The following ARL15 variants were observed in gnomAD, a reference collection of about 807,000 sequenced individuals.
ARL15 encodes ADP-ribosylation factor-like protein 15.
In ARL15, 19 loss-of-function variants were observed where a neutral mutation model predicts 25.2. That is an observed-to-expected ratio of 0.75 (90% CI 0.53 to 1.10). The LOEUF (loss-of-function observed/expected upper bound fraction) is 1.10. Ranked by LOEUF, ARL15 falls within the 50% of genes least tolerant of loss-of-function variation. The pLI, the probability that ARL15 is intolerant of heterozygous loss-of-function variation, is 0.00. For synonymous variants in ARL15, 94 were observed against 86.8 expected (o/e 1.08, Z -0.46); for missense variants, 220 against 246.0 (o/e 0.89, Z 0.71).
intron 2 of ARL15, among the ~76,000 whole-genome samples, chr5:54,167,257 G>A (rs1754601096): frequency 6.6e-6 from 1 of 152,124 alleles, no homozygotes; most frequent in Admixed American, 6.6e-5. Flanking sequence ...AATCTTTAGT[G>A]TTCTCTCTCT....
chr5:53,993,846 T>C (rs929108390), intron 4 of ARL15, among the ~76,000 whole-genome samples: 1 of 152,196 alleles, frequency 6.6e-6, no homozygotes, highest in Non-Finnish European at 1.5e-5. Context: ...CTCAGAAGAA[T>C]AGAATTAAAG....
rs192096322 is a variant in ARL15 at position 54,057,739 on chromosome 5, C to T, written c.462+55463G>A. ...ATGCACCTGGAGCTACCTCCAGCTACTCTGGAGGCTGAGATGGGAGGATGG... is the reference window on the plus strand; with the variant it reads ...ATGCACCTGGAGCTACCTCCAGCTATTCTGGAGGCTGAGATGGGAGGATGG... On this transcript the variant is annotated intron_variant, in intron 4 of 4. Transcript: ENST00000504924. Among the ~76,000 whole-genome samples the T allele has an allele frequency of 1.1e-3, 170 of 152,148 alleles. 1 individual carries two copies. Among genetic ancestry groups the T allele is most frequent in the African/African-American group, 3.8e-3 (156 of 41,518 alleles).
intron 4 of ARL15, among the ~76,000 whole-genome samples, chr5:54,104,215 A>G (rs1056619948): frequency 6.6e-6 from 1 of 152,188 alleles, no homozygotes; most frequent in East Asian, 1.9e-4. Flanking sequence ...TTGGTTCTTC[A>G]ACTGCCTTTA....
Position 54,254,280 on chromosome 5 carries a change from T to C in ARL15, c.48+56152A>G, listed in dbSNP as rs188226812. ...GTCAATTTCATGATGCACTCACATTTTGTAACCTTGGGTACTTGCTATATA... is the reference window on the plus strand; with the variant it reads ...GTCAATTTCATGATGCACTCACATTCTGTAACCTTGGGTACTTGCTATATA... On this transcript the variant is annotated intron_variant, in intron 1 of 4. Coordinates refer to ENST00000504924, the MANE Select transcript of ARL15 (RefSeq NM_019087.3). Among the ~76,000 whole-genome samples, 3 of 152,352 alleles carry C rather than the reference T, an allele frequency of 2.0e-5. No individual in the cohort carries two copies. In the East Asian group the frequency reaches 5.8e-4, roughly 29 times the overall value.
chr5:54,165,757 T>C (rs1436470299), intron 2 of ARL15, among the ~76,000 whole-genome samples: 1 of 151,160 alleles, frequency 6.6e-6, no homozygotes, highest in African/African-American at 2.4e-5. Flanking sequence ...TATATATAAA[T>C]AGAGACAGAG....
chr5:54,167,830 G>A (rs1272829875), intron 2 of ARL15, among the ~76,000 whole-genome samples: 3 of 152,088 alleles, frequency 2.0e-5, no homozygotes, highest in Non-Finnish European at 4.4e-5. Flanking sequence ...CAATTCCTTT[G>A]CTTGCTCTTC....
At chr5:54,288,725 G>A (rs758145948) in intron 1 of ARL15, among the ~76,000 whole-genome samples, 11 of 152,142 alleles carry the variant, frequency 7.2e-5, no homozygotes, top group Non-Finnish European at 8.8e-5. Context: ...AGAAAAACAC[G>A]CAGATGCAGT....
At chr5:54,173,800 C>A (rs1039746969) in intron 1 of ARL15, among the ~76,000 whole-genome samples, 1 of 152,124 alleles carries the variant, frequency 6.6e-6, no homozygotes, top group Non-Finnish European at 1.5e-5. Flanking sequence ...TTACCATGGT[C>A]TACCCCACAC....
intron 4 of ARL15, among the ~76,000 whole-genome samples, chr5:53,984,919 T>C (rs1748240150): frequency 6.6e-6 from 1 of 152,190 alleles, no homozygotes; most frequent in South Asian, 2.1e-4. Context: ...CAATTATGGC[T>C]GTTTATCCTG....
At chr5:54,217,937 G>GA (rs3842039) in intron 1 of ARL15, among the ~76,000 whole-genome samples, 15 of 151,762 alleles carry the variant, frequency 9.9e-5, no homozygotes, top group South Asian at 6.3e-4. Context: ...TTAAAAGGGG[G>GA]AAAAAAAATC....
intron 4 of ARL15, among the ~76,000 whole-genome samples, chr5:54,105,035 G>GTAA (rs1202778247): frequency 2.0e-5 from 3 of 151,116 alleles, no homozygotes; most frequent in South Asian, 2.1e-4. Context: ...CAGACACTAT[G>GTAA]TAATAATAAT....
intron 1 of ARL15, among the ~76,000 whole-genome samples, chr5:54,197,329 A>C (rs1755578836): frequency 6.6e-6 from 1 of 152,150 alleles, no homozygotes; most frequent in Non-Finnish European, 1.5e-5. Flanking sequence ...CTGCTCTTTT[A>C]ACACACCTTT....
chr5:54,061,256 G>A (rs940487143), intron 4 of ARL15, among the ~76,000 whole-genome samples: 38 of 152,300 alleles, frequency 2.5e-4, no homozygotes, highest in African/African-American at 9.1e-4. Context: ...AGATGGTGCA[G>A]GCCCCAAGCC....
At chr5:54,130,260 T>G (rs1376939760) in intron 3 of ARL15, among the ~76,000 whole-genome samples, 1 of 152,178 alleles carries the variant, frequency 6.6e-6, no homozygotes, top group Non-Finnish European at 1.5e-5. Context: ...ATAAAATGTT[T>G]AAAAATATTA....
At chr5:53,900,222 ACAAAT>A (rs1745020799) in intron 4 of ARL15, among the ~76,000 whole-genome samples, 2 of 152,220 alleles carry the variant, frequency 1.3e-5, no homozygotes, top group Non-Finnish European at 2.9e-5. Context: ...TCCGCAGGAT[ACAAAT>A]GCTGAAAGAT....
At chr5:54,198,220 C>G (rs1755611201) in intron 1 of ARL15, among the ~76,000 whole-genome samples, 1 of 152,134 alleles carries the variant, frequency 6.6e-6, no homozygotes, top group South Asian at 2.1e-4. Context: ...GAAGCATTCC[C>G]TTTGAAAACT....
intron 1 of ARL15, among the ~76,000 whole-genome samples, chr5:54,201,013 G>T (rs1755708658): frequency 6.6e-6 from 1 of 151,428 alleles, no homozygotes; most frequent in Non-Finnish European, 1.5e-5. Context: ...TACGCCCTTT[G>T]TCTCCAATTA....
intron 1 of ARL15, among the ~76,000 whole-genome samples, chr5:54,276,087 G>T (rs1757922161): frequency 6.6e-6 from 1 of 152,034 alleles, no homozygotes; most frequent in African/African-American, 2.4e-5. Context: ...AACTTATTCT[G>T]CTTAAGCTAC....
chr5:53,977,416 A>C (rs1218040457), intron 4 of ARL15, among the ~76,000 whole-genome samples: 1 of 151,848 alleles, frequency 6.6e-6, no homozygotes, highest in East Asian at 1.9e-4. Flanking sequence ...AATGTAGCAC[A>C]GTAGTCTTTT....
Sources: allele counts gnomAD v4.1 joint callset (sites outside exome capture counted in the v4.1 genomes callset), GRCh38; gene constraint gnomAD v4.1.1; transcripts MANE v1.5; gene names NCBI Gene and HGNC (gene_info 2026-07-23, HGNC 2026-07-21).